Variants in EML2 observed in about 807,000 individuals in gnomAD.
The protein encoded by EML2 is EMAP like 2.
A neutral mutation model predicts 84.7 loss-of-function variants in EML2; 59 were observed. That is an observed-to-expected ratio of 0.70 (90% confidence interval 0.56 to 0.86). EML2 has a LOEUF of 0.86. EML2 is among the 40% of genes least tolerant of loss of function. EML2 has a pLI of 0.00. For missense variants in EML2, 818 were observed against 855.6 expected (o/e 0.96, Z 0.55); for synonymous variants, 352 against 348.9 (o/e 1.01, Z -0.10).
At chr19:45,626,682 T>G (rs764635067) in intron 8 of EML2, 23 bp downstream of exon 8, 1 of 1,596,792 alleles carries the variant, frequency 6.3e-7, no homozygotes, top group Admixed American at 1.7e-5. Context: ...GGCCAGCCTG[T>G]CCCCCAAACC....
chr19:45,620,654 G>T (rs1971573634), intron 11 of EML2, among the ~76,000 whole-genome samples: 1 of 150,776 alleles, frequency 6.6e-6, no homozygotes. Flanking sequence ...TTTGCAATGA[G>T]CCGAGATTGA....
At position 45,633,094 on chromosome 19, in the gene EML2, C is replaced by T. The variant is rs1298329323; in HGVS notation, c.375G>A (p.Val125=). ...CCTTCCCTTCCTTAGTGGTTCCCGC[C>T]ACCTGTCCCGTGGCGATGGTGACCA... ...PDMVTIATGQ[V]AGTTKEGKPL... is the part of the protein sequence containing the mutation. Residue 125 remains valine, a synonymous_variant, in exon 5 of 19, where the codon GTG becomes GTA. Transcript: ENST00000245925. 3 of 1,598,468 alleles carry T rather than the reference C, an allele frequency of 1.9e-6. No homozygotes were observed. The highest frequency in any genetic ancestry group is 2.6e-6 in the Non-Finnish European group (3 of 1,172,960).
chr19:45,635,198 G>A lies in EML2; in HGVS notation c.180-727C>T, dbSNP rs559808488. On this transcript the variant is annotated intron_variant, in intron 3 of 18. Transcript: ENST00000245925. ...CTGTCACCCAGGCTGGAGTGCAGTG[G>A]CATGATCCCAGCTCACTGCAACCTC... Among the ~76,000 whole-genome samples, 116 of 152,102 alleles carry A rather than the reference G, an allele frequency of 7.6e-4. 1 individual carries two copies. Among genetic ancestry groups the A allele is most frequent in the African/African-American group, 2.5e-3 (105 of 41,516 alleles).
At chr19:45,641,861 A>C (rs1600245676), upstream of EML2, 1 of 1,474,148 alleles carries the variant, frequency 6.8e-7, no homozygotes, top group East Asian at 2.5e-5. Flanking sequence ...CAAACAAACC[A>C]CCTCTGTCTC....
intron 7 of EML2, 60 bp from the exon 8 acceptor site, chr19:45,626,899 C>G (rs914206287): frequency 6.6e-7 from 1 of 1,524,996 alleles, no homozygotes; most frequent in South Asian, 1.2e-5. Flanking sequence ...CTACTATACC[C>G]GCCCCTCACA....
At chr19:45,626,963 T>TC (rs1391102482) in intron 7 of EML2, 124 bp from the exon 8 acceptor site, 7 of 759,040 alleles carry the variant, frequency 9.2e-6, no homozygotes, top group East Asian at 6.8e-5. Context: ...AACTTTTCTT[T>TC]TTTTTTTTTT....
intron 16 of EML2, among the ~76,000 whole-genome samples, chr19:45,615,553 A>AATT: frequency 6.8e-6 from 1 of 146,242 alleles, no homozygotes; most frequent in Admixed American, 6.9e-5. Flanking sequence ...TAATAATAAT[A>AATT]ATTAAAAATT....
chr19:45,623,423 A>C (rs1326742648), intron 9 of EML2: 1 of 152,032 alleles, frequency 6.6e-6, no homozygotes, highest in African/African-American at 2.4e-5. Flanking sequence ...AGTCCCAGGT[A>C]CTTGGGAGGC....
At chr19:45,616,379 G>A (rs562531317) in intron 15 of EML2, 82 bp downstream of exon 15, 1,481 of 1,043,606 alleles carry the variant, frequency 1.4e-3, no homozygotes, top group Non-Finnish European at 1.9e-3. Context: ...TTGAAGCTGC[G>A]CTCCCTTGAG....
intron 15 of EML2, chr19:45,616,210 T>TG (rs1971045417): frequency 5.0e-6 from 2 of 401,734 alleles, no homozygotes. Context: ...TCTCGGAACG[T>TG]GAGGGGCGGT....
chr19:45,613,769 C>A, intron 17 of EML2, 98 bp from the exon 18 acceptor site: 1 of 1,458,690 alleles, frequency 6.9e-7, no homozygotes. Context: ...TTTGTTCCGA[C>A]CTAGCCTGTA....
intron 9 of EML2, 83 bp from the exon 10 acceptor site, chr19:45,621,720 A>T: frequency 2.2e-6 from 3 of 1,374,646 alleles, no homozygotes; most frequent in Non-Finnish European, 2.9e-6. Flanking sequence ...TCTCAAGCCT[A>T]TGTCCATCCA....
At chr19:45,633,565 C>T (rs1246620150) in intron 4 of EML2, among the ~76,000 whole-genome samples, 1 of 151,920 alleles carries the variant, frequency 6.6e-6, no homozygotes, top group Non-Finnish European at 1.5e-5. Flanking sequence ...ATGGGGAAAC[C>T]CTGTCTCTAG....
rs1441766070 is a variant in EML2 at position 45,634,178 on chromosome 19, C to T, written c.329+144G>A. 1.8e-5 allele frequency: 17 copies of T among 945,400 alleles called. No homozygotes were observed. The East Asian group carries it at 3.7e-4, about 21-fold the overall frequency. 58.6% of individuals were successfully genotyped at this position (945,400 alleles called of 1,614,324 possible). A position where few individuals can be genotyped will look rare whatever the true frequency, so the allele number is the denominator to read the frequency against. On this transcript the variant is annotated intron_variant, in intron 4 of 18. Coordinates refer to ENST00000245925, the MANE Select transcript of EML2 (RefSeq NM_012155.4). ...CCCACTAAATTCAGCCTGAGGGCAG[C>T]TGGTGGCTTTGGAGAGGGAGCAAAG...
upstream of EML2, chr19:45,641,605 T>C (rs2122839606): frequency 1.3e-6 from 2 of 1,529,920 alleles, no homozygotes; most frequent in East Asian, 2.4e-5. Flanking sequence ...TTCCTCCCTA[T>C]CTCTTTCTGC....
In EML2 at chr19:45,633,156, CAG is replaced by C. The variant is rs1450724204; in HGVS notation, c.330-19_330-18del. 2.5e-6 allele frequency: 4 copies of C among 1,604,664 alleles called. No individual in the cohort carries two copies. Among genetic ancestry groups the C allele is most frequent in the Middle Eastern group, 1.6e-4 (1 of 6,074 alleles). ...ATGGCCAAGCTGCGGAAAGAAGGGACAGAGAGACCAGGGCTCAGTGGGAGAGA... is the reference window on the plus strand; with the variant it reads ...ATGGCCAAGCTGCGGAAAGAAGGGACAGAGACCAGGGCTCAGTGGGAGAGA... On this transcript the variant is annotated intron_variant, in intron 4 of 18. Transcript: ENST00000245925.
chr19:45,624,390 A>T (rs1972059814), intron 9 of EML2, among the ~76,000 whole-genome samples: 1 of 152,076 alleles, frequency 6.6e-6, no homozygotes, highest in African/African-American at 2.4e-5. Flanking sequence ...GCTGGGACAA[A>T]GCACTTGTCC....
chr19:45,637,544 T>C (rs538478397), intron 3 of EML2, among the ~76,000 whole-genome samples: 135 of 137,926 alleles, frequency 9.8e-4, no homozygotes, highest in African/African-American at 3.4e-3. Flanking sequence ...AATAGCACAA[T>C]CATGGCTCAC....
At chr19:45,634,216 C>T in intron 4 of EML2, 106 bp downstream of exon 4, 1 of 1,495,054 alleles carries the variant, frequency 6.7e-7, no homozygotes, top group Non-Finnish European at 9.2e-7. Flanking sequence ...TTAGCCTTGC[C>T]CCAAACCCCA....
Sources: gnomAD v4.1 joint callset for allele counts (sites outside exome capture counted in the v4.1 genomes callset) on GRCh38, gnomAD v4.1.1 for gene constraint, MANE v1.5 for transcripts, NCBI Gene and HGNC (gene_info 2026-07-23, HGNC 2026-07-21) for gene names.